The following FBXL7 variants were observed in gnomAD, a reference collection of about 807,000 sequenced individuals.
FBXL7 encodes the protein F-box/LRR-repeat protein 7.
In FBXL7, 12 loss-of-function variants were observed where a neutral mutation model predicts 38.3. The observed-to-expected ratio is 0.31, with a 90% CI of 0.20 to 0.51. The LOEUF is 0.51. FBXL7 is among the 20% of genes least tolerant of loss of function. FBXL7 has a pLI of 0.98. For synonymous variants in FBXL7, 297 were observed against 300.9 expected (o/e 0.99, Z 0.13); for missense variants, 567 against 676.4 (o/e 0.84, Z 1.79).
chr5:15,847,665 G>T (rs888394372), intron 2 of FBXL7, among the ~76,000 whole-genome samples: 1 of 152,128 alleles, frequency 6.6e-6, no homozygotes, highest in African/African-American at 2.4e-5. Context: ...ATATCAGAAA[G>T]CTCTCAAATC....
chr5:15,503,402 C>A (rs1199442956), intron 1 of FBXL7, among the ~76,000 whole-genome samples: 6 of 152,198 alleles, frequency 3.9e-5, no homozygotes, highest in African/African-American at 1.4e-4. Flanking sequence ...GCCTGGGCAA[C>A]AGGACAAGAC....
At chr5:15,546,495 A>T (rs1737894258) in intron 1 of FBXL7, among the ~76,000 whole-genome samples, 1 of 151,760 alleles carries the variant, frequency 6.6e-6, no homozygotes, top group Admixed American at 6.6e-5. Context: ...TGAATCCGGG[A>T]TGCAGAGGTT....
At chr5:15,725,777 A>G (rs1218777517) in intron 2 of FBXL7, among the ~76,000 whole-genome samples, 1 of 152,158 alleles carries the variant, frequency 6.6e-6, no homozygotes. Context: ...CTGGGATTAC[A>G]GGTGCTCACC....
intron 2 of FBXL7, among the ~76,000 whole-genome samples, chr5:15,885,312 G>T (rs1740630806): frequency 6.6e-6 from 1 of 152,184 alleles, no homozygotes; most frequent in South Asian, 2.1e-4. Context: ...CAAGTGAGAG[G>T]GCGAGAGAGA....
In FBXL7 at chr5:15,500,379, C is replaced by T; in HGVS notation, c.-298C>T. ...CCGGCGGCGGCGGCGCGGTGAGCCT[C>T]TGGGCGGCCCCGGGGCGCGGGCTGT... is the stretch of plus-strand genomic sequence containing the variant. On this transcript the variant is annotated 5_prime_UTR_variant, in exon 1 of 4. Coordinates refer to ENST00000504595, the MANE Select transcript of FBXL7 (RefSeq NM_012304.5). The T allele has an allele frequency of 5.7e-6, 1 of 176,700 alleles. No homozygotes were observed. The highest frequency in any genetic ancestry group is 1.7e-4 in the South Asian group (1 of 5,830). 10.9% of individuals were successfully genotyped at this position (176,700 alleles called of 1,614,324 possible). A position where few individuals can be genotyped will look rare whatever the true frequency, so the allele number is the denominator to read the frequency against.
intron 2 of FBXL7, among the ~76,000 whole-genome samples, chr5:15,673,209 G>A (rs908144339): frequency 2.6e-5 from 4 of 151,974 alleles, no homozygotes; most frequent in African/African-American, 4.8e-5. Context: ...CCAGCTACTC[G>A]CGAGGCTGAG....
At chr5:15,523,419 T>C (rs1445838402) in intron 1 of FBXL7, among the ~76,000 whole-genome samples, 1 of 151,826 alleles carries the variant, frequency 6.6e-6, no homozygotes, top group Admixed American at 6.6e-5. Context: ...ATTAGCTGGG[T>C]GTGGTGGCAG....
intron 2 of FBXL7, among the ~76,000 whole-genome samples, chr5:15,751,468 C>T (rs7714503): frequency 0.23 from 35,278 of 152,070 alleles, 4,273 homozygotes; most frequent in East Asian, 0.44. Context: ...CTTACATCTA[C>T]AAATGGTTTT....
intron 2 of FBXL7, among the ~76,000 whole-genome samples, chr5:15,679,418 A>G (rs1400579306): frequency 6.6e-6 from 1 of 152,144 alleles, no homozygotes; most frequent in Admixed American, 6.5e-5. Context: ...TTCAGATGTG[A>G]TTACGATCCT....
chr5:15,846,779 C>T (rs533407059), intron 2 of FBXL7, among the ~76,000 whole-genome samples: 1 of 152,112 alleles, frequency 6.6e-6, no homozygotes, highest in Non-Finnish European at 1.5e-5. Flanking sequence ...AGAAGGTTGT[C>T]ATCTGTTATA....
chr5:15,527,766 G>A (rs899038990), intron 1 of FBXL7, among the ~76,000 whole-genome samples: 5 of 152,256 alleles, frequency 3.3e-5, no homozygotes, highest in African/African-American at 4.8e-5. Context: ...TCGTAAAGTC[G>A]CAGGGAACTG....
At chr5:15,747,851 C>T (rs1296130201) in intron 2 of FBXL7, among the ~76,000 whole-genome samples, 2 of 152,154 alleles carry the variant, frequency 1.3e-5, no homozygotes. Flanking sequence ...CACCTCTGTT[C>T]CCCACCTGGG....
intron 1 of FBXL7, among the ~76,000 whole-genome samples, chr5:15,553,093 CAAAAA>C (rs371383973): frequency 1.5e-4 from 15 of 102,786 alleles, no homozygotes; most frequent in African/African-American, 4.7e-4. Flanking sequence ...AAAAAAAAAA[CAAAAA>C]AAAACCCAAC....
chr5:15,706,995 G>T (rs186579401), intron 2 of FBXL7, among the ~76,000 whole-genome samples: 3 of 152,198 alleles, frequency 2.0e-5, no homozygotes, highest in Admixed American at 2.0e-4. Flanking sequence ...ATGGACAGCA[G>T]TGGAGAGTCA....
At chr5:15,920,118 A>T (rs1025441617) in intron 2 of FBXL7, among the ~76,000 whole-genome samples, 3 of 152,154 alleles carry the variant, frequency 2.0e-5, no homozygotes, top group Admixed American at 6.5e-5. Flanking sequence ...TTAGCCAGGT[A>T]TGCTGGCAGG....
intron 2 of FBXL7, among the ~76,000 whole-genome samples, chr5:15,765,651 G>A (rs1172629065): frequency 6.6e-6 from 1 of 152,158 alleles, no homozygotes; most frequent in Non-Finnish European, 1.5e-5. Context: ...TGATAAAATA[G>A]AGAGCTGAGC....
Position 15,539,800 on chromosome 5 carries a change from C to G in FBXL7, c.37+39087C>G, listed in dbSNP as rs550519020. Among the ~76,000 whole-genome samples, 5 of 152,014 alleles carry G rather than the reference C, an allele frequency of 3.3e-5. No individual in the cohort carries two copies. The South Asian group carries it at 1.0e-3, about 32-fold the overall frequency. On this transcript the variant is annotated intron_variant, in intron 1 of 3. Coordinates refer to ENST00000504595, the MANE Select transcript of FBXL7 (RefSeq NM_012304.5). ...TTACAGTGGCACTCTGCGTTTAACT[C>G]AGGATTATTCTTCTAAAAACTCTTT... is the stretch of plus-strand genomic sequence containing the variant.
At chr5:15,847,819 G>A (rs937081544) in intron 2 of FBXL7, among the ~76,000 whole-genome samples, 1 of 152,124 alleles carries the variant, frequency 6.6e-6, no homozygotes, top group Admixed American at 6.5e-5. Flanking sequence ...CCATGTTGTG[G>A]GAGAGGTTAT....
At chr5:15,796,476 CAG>C (rs1737418909) in intron 2 of FBXL7, among the ~76,000 whole-genome samples, 1 of 102,878 alleles carries the variant, frequency 9.7e-6, no homozygotes, top group Non-Finnish European at 2.5e-5. Context: ...CATCTTGTTA[CAG>C]AAAAAAAAAA....
Sources: allele counts gnomAD v4.1 joint callset (sites outside exome capture counted in the v4.1 genomes callset), GRCh38; gene constraint gnomAD v4.1.1; transcripts MANE v1.5; gene names NCBI Gene and HGNC (gene_info 2026-07-23, HGNC 2026-07-21).